CADM1: variants seen among roughly 807,000 people sequenced by gnomAD.
CADM1 encodes TSLC-1.
CADM1 carries 15 observed loss-of-function variants against 53.1 expected under a neutral mutation model. The ratio of observed to expected loss-of-function variants is 0.28; its 90% confidence interval spans 0.19 to 0.44. The LOEUF (loss-of-function observed/expected upper bound fraction) is 0.44. CADM1 is among the 20% of genes least tolerant of loss of function. CADM1 has a pLI of 1.00. For synonymous variants in CADM1, 281 were observed against 243.0 expected (o/e 1.16, Z -1.45); for missense variants, 434 against 611.3 (o/e 0.71, Z 3.06).
At chr11:115,286,994 CA>C (rs1409185981) in intron 1 of CADM1, among the ~76,000 whole-genome samples, 1 of 152,182 alleles carries the variant, frequency 6.6e-6, no homozygotes, top group African/African-American at 2.4e-5. Context: ...ATTCTTCAAA[CA>C]ATTTCACAAA....
Position 115,174,276 on chromosome 11 carries a change from T to G in CADM1, c.*2198A>C, listed in dbSNP as rs570123755. 1,861 of 964,216 alleles carry G rather than the reference T, an allele frequency of 1.9e-3. 2 individuals are homozygous for G. The highest frequency in any genetic ancestry group is 7.5e-3 in the East Asian group (66 of 8,776). The allele number at this position is 964,216 out of a possible 1,614,324, so 59.7% of individuals were successfully genotyped here. ...GTGAGCAATGGTGTGATTTTTTTTT[T>G]TTGTTTTTGTTTTTGTTTTTCTTTT... On this transcript the variant is annotated 3_prime_UTR_variant, in exon 12 of 12. Coordinates refer to ENST00000331581, the MANE Select transcript of CADM1 (RefSeq NM_001301043.2).
intron 1 of CADM1, among the ~76,000 whole-genome samples, chr11:115,286,161 T>C (rs149318158): frequency 6.8e-4 from 103 of 152,342 alleles, no homozygotes; most frequent in African/African-American, 2.3e-3. Flanking sequence ...TTTTATATAA[T>C]CTTTTTAAAT....
chr11:115,328,731 TAC>T (rs1945047355), intron 1 of CADM1, among the ~76,000 whole-genome samples: 2 of 116,042 alleles, frequency 1.7e-5, no homozygotes, highest in African/African-American at 6.8e-5. Context: ...TATATGTATA[TAC>T]ATATATATAT....
intron 1 of CADM1, among the ~76,000 whole-genome samples, chr11:115,434,963 C>T (rs993113449): frequency 1.3e-5 from 2 of 150,606 alleles, no homozygotes; most frequent in East Asian, 3.9e-4. Context: ...TGGGTTCAAG[C>T]GATTCTCCTG....
chr11:115,350,142 T>G (rs1308648126), intron 1 of CADM1, among the ~76,000 whole-genome samples: 1 of 152,152 alleles, frequency 6.6e-6, no homozygotes, highest in Non-Finnish European at 1.5e-5. Context: ...TGGCTAACTT[T>G]GTATTTTTAG....
At chr11:115,436,963 G>A (rs1948197117) in intron 1 of CADM1, among the ~76,000 whole-genome samples, 1 of 152,178 alleles carries the variant, frequency 6.6e-6, no homozygotes, top group Non-Finnish European at 1.5e-5. Context: ...AGTGAACAAA[G>A]TTCTGTGAAA....
intron 1 of CADM1, among the ~76,000 whole-genome samples, chr11:115,289,371 T>TA (rs557965468): frequency 6.6e-6 from 1 of 151,574 alleles, no homozygotes; most frequent in Admixed American, 6.6e-5. Flanking sequence ...TCTCAAAAAA[T>TA]AAAAAAATAA....
intron 1 of CADM1, among the ~76,000 whole-genome samples, chr11:115,334,297 T>C (rs577260790): frequency 6.6e-6 from 1 of 152,226 alleles, no homozygotes; most frequent in East Asian, 1.9e-4. Context: ...CATTTCCCTT[T>C]AGAAAGAAGA....
chr11:115,206,758 C>CTTTTGTTTTTTTTTTTTTTTT (rs1940707165), intron 8 of CADM1, among the ~76,000 whole-genome samples: 1 of 38,206 alleles, frequency 2.6e-5, no homozygotes, highest in African/African-American at 9.7e-5. Context: ...CTGTGGACTT[C>CTTTTGTTTTTTTTTTTTTTTT]TTTTTTTTTT....
rs1491508599 is a variant in CADM1, at chr11:115,254,593, C to CACACACAGAG, written c.125-14174_125-14173insCTCTGTGTGT. Among the ~76,000 whole-genome samples, 678 of 136,340 alleles carry CACACACAGAG rather than the reference C, an allele frequency of 5.0e-3. 9 individuals carry two copies. The highest frequency in any genetic ancestry group is 0.019 in the African/African-American group (641 of 34,320). The allele number at this position is 136,340 out of a possible 152,430, so 89.4% of individuals were successfully genotyped here. Reference sequence around the variant, plus strand: ...ACACACACACACACACACACACACACAGAGACAACAAACGCATACTTGTAA... The same window carrying CACACACAGAG: ...ACACACACACACACACACACACACACACACACAGAGAGAGACAACAAACGCATACTTGTAA... On this transcript the variant is annotated intron_variant, in intron 1 of 11. Coordinates refer to ENST00000331581, the MANE Select transcript of CADM1 (RefSeq NM_001301043.2).
At chr11:115,249,518 A>G (rs1235678169) in intron 1 of CADM1, among the ~76,000 whole-genome samples, 1 of 152,238 alleles carries the variant, frequency 6.6e-6, no homozygotes, top group Non-Finnish European at 1.5e-5. Flanking sequence ...AACTATCTAC[A>G]TTTCCCAAAA....
At chr11:115,276,361 G>C (rs1456442193) in intron 1 of CADM1, among the ~76,000 whole-genome samples, 1 of 152,216 alleles carries the variant, frequency 6.6e-6, no homozygotes, top group African/African-American at 2.4e-5. Context: ...AAAGTCACAT[G>C]TGTGGGCATT....
chr11:115,290,038 T>C (rs1343994297), intron 1 of CADM1, among the ~76,000 whole-genome samples: 3 of 152,224 alleles, frequency 2.0e-5, no homozygotes, highest in Non-Finnish European at 4.4e-5. Flanking sequence ...GATTTGAATG[T>C]AGATTCCACG....
chr11:115,325,768 C>T (rs1944943289), intron 1 of CADM1, among the ~76,000 whole-genome samples: 1 of 152,180 alleles, frequency 6.6e-6, no homozygotes, highest in Non-Finnish European at 1.5e-5. Context: ...ACAGTCCACT[C>T]ATGGGACTCT....
intron 1 of CADM1, among the ~76,000 whole-genome samples, chr11:115,501,684 A>T (rs972400556): frequency 6.6e-6 from 1 of 152,196 alleles, no homozygotes; most frequent in East Asian, 1.9e-4. Flanking sequence ...CCCACGCACG[A>T]TGGTCCTAAT....
At chr11:115,228,248 G>A (rs547911730) in intron 5 of CADM1, among the ~76,000 whole-genome samples, 2 of 152,198 alleles carry the variant, frequency 1.3e-5, no homozygotes, top group African/African-American at 2.4e-5. Flanking sequence ...GGCCTAAAGC[G>A]TTGTAAGGAA....
At chr11:115,276,515 C>T (rs890599616) in intron 1 of CADM1, among the ~76,000 whole-genome samples, 1 of 152,126 alleles carries the variant, frequency 6.6e-6, no homozygotes. Flanking sequence ...AAAATATACA[C>T]AAGAATACAC....
In CADM1 at chr11:115,286,533, C is replaced by A. The variant is rs189976578; in HGVS notation, c.125-46113G>T. On this transcript the variant is annotated intron_variant, in intron 1 of 11. Transcript: ENST00000331581. ...AATAATGAAACAAAAATTCTCATGA[C>A]CCTGCTCAAAGTAATACTATTTTTA... Among the ~76,000 whole-genome samples, 10 of 152,236 alleles carry A rather than the reference C, an allele frequency of 6.6e-5. No homozygotes were observed. In the East Asian group the frequency reaches 1.9e-3, roughly 29 times the overall value.
At position 115,217,952 on chromosome 11, in the gene CADM1, T is replaced by C; in HGVS notation, c.761A>G (p.Gln254Arg). The C allele has an allele frequency of 1.2e-6, 2 of 1,613,650 alleles. No individual in the cohort carries two copies. The highest frequency in any genetic ancestry group is 1.7e-6 in the Non-Finnish European group (2 of 1,179,662). ...CGCGTCCCCTTCCCGGGTTAAGCCT[T>C]GTAGAGGATAAGTCATCTGAATGTG... ...QVHIQMTYPL[Q>R]GLTREGDALE... Residue 254 changes from glutamine (Q) to arginine (R), a missense_variant, in exon 6 of 12, where the codon CAA (glutamine) becomes CGA (arginine). Physicochemically the swap from Gln to Arg is conservative, Grantham distance 43. This residue lies in a region of CADM1 where 311 missense variants were observed against 435.1 expected (regional missense o/e 0.71). Transcript: ENST00000331581.
Sources: allele counts gnomAD v4.1 joint callset (sites outside exome capture counted in the v4.1 genomes callset), GRCh38; gene constraint gnomAD v4.1.1; regional missense constraint gnomAD v4.1.1; transcripts MANE v1.5; gene names NCBI Gene and HGNC (gene_info 2026-07-23, HGNC 2026-07-21).